Variants in CFAP99 observed in about 807,000 individuals in gnomAD.
CFAP99 encodes cilia and flagella associated protein 99.
A neutral mutation model predicts 82.7 loss-of-function variants in CFAP99; 84 were observed. The observed-to-expected ratio is 1.02, with a 90% confidence interval of 0.85 to 1.22. The LOEUF (loss-of-function observed/expected upper bound fraction) is 1.22. Among genes scored for constraint, CFAP99 ranks in the 50% most tolerant of loss-of-function variants. The probability of loss-of-function intolerance (pLI) is 0.00; values close to 1 mark genes in which losing one functional copy is unlikely to be tolerated. For synonymous variants in CFAP99, 456 were observed against 429.5 expected (o/e 1.06, Z -0.76); for missense variants, 1,059 against 983.5 (o/e 1.08, Z -1.03).
At chr4:2,420,871 A>G (rs1157425199) in intron 1 of CFAP99, among the ~76,000 whole-genome samples, 1 of 152,188 alleles carries the variant, frequency 6.6e-6, no homozygotes, top group Non-Finnish European at 1.5e-5. Flanking sequence ...GCAAAAGAGA[A>G]GATGGATATG....
intron 4 of CFAP99, among the ~76,000 whole-genome samples, chr4:2,442,018 C>T (rs886228218): frequency 9.2e-5 from 14 of 152,300 alleles, no homozygotes; most frequent in East Asian, 3.9e-4. Flanking sequence ...TCAGACCCAC[C>T]GCAAAGCCCC....
chr4:2,458,866 T>C lies in CFAP99; in HGVS notation c.1303+2T>C. 1 of 1,533,560 alleles carries C rather than the reference T, an allele frequency of 6.5e-7. No homozygotes were observed. Among genetic ancestry groups the C allele is most frequent in the Non-Finnish European group, 8.7e-7 (1 of 1,145,740 alleles). The allele number at this position is 1,533,560 out of a possible 1,614,324, so 95.0% of individuals were successfully genotyped here. ...TCGCGAAGGGCCGACAGCAGACAGG[T>C]AGTCAGGAGCCAGATGTCACTGGCC... On this transcript the variant is annotated splice_donor_variant, in intron 12 of 14. Transcript: ENST00000635017. LOFTEE classifies it high-confidence loss of function.
exon 11 of CFAP99, chr4:2,452,163 G>C: frequency 2.6e-6 from 4 of 1,536,210 alleles, no homozygotes; most frequent in Non-Finnish European, 3.5e-6. Flanking sequence ...TCGTGGATGG[G>C]GCTGGGGACT....
intron 6 of CFAP99, among the ~76,000 whole-genome samples, chr4:2,447,586 T>C (rs1335715494): frequency 6.6e-6 from 1 of 151,140 alleles, no homozygotes; most frequent in East Asian, 2.0e-4. Flanking sequence ...TATGGATGGA[T>C]GAATGGATGA....
chr4:2,423,894 AG>A (rs1328667683), intron 1 of CFAP99, among the ~76,000 whole-genome samples: 1 of 118,124 alleles, frequency 8.5e-6, no homozygotes, highest in Non-Finnish European at 1.8e-5. Flanking sequence ...GGGTGGGGGG[AG>A]GGGGACCCAG....
chr4:2,422,312 G>T (rs1733601471), intron 1 of CFAP99, among the ~76,000 whole-genome samples: 1 of 152,172 alleles, frequency 6.6e-6, no homozygotes, highest in African/African-American at 2.4e-5. Flanking sequence ...GTGAACCAGG[G>T]TTCCAGGGGC....
In CFAP99 at chr4:2,462,743, C is replaced by G. The variant is rs985765463; in HGVS notation, c.1962C>G (p.Tyr654Ter). The G allele has an allele frequency of 2.1e-4, 256 of 1,239,012 alleles. 2 individuals carry two copies. The Admixed American group carries it at 2.3e-3, about 11-fold the overall frequency. The allele number at this position is 1,239,012 out of a possible 1,614,324, so 76.8% of individuals were successfully genotyped here. Residue 654 changes from tyrosine (Y) to a stop codon, truncating the protein, a stop_gained, in exon 15 of 15, where the codon TAC (tyrosine) becomes TAG (stop). Coordinates refer to ENST00000635017, the Ensembl canonical transcript of CFAP99. LOFTEE classifies it low-confidence loss of function (END_TRUNC). This position sits in a 1 kb window ranked among gnomAD's most constrained non-coding sequence, Gnocchi z 4.1. Reference sequence around the variant, plus strand: ...GGGTCCGGTCCGCGGCCGGGAGATACGCAGCGGCGGGCGCGGGAGGCGGTG... The same window carrying G: ...GGGTCCGGTCCGCGGCCGGGAGATAGGCAGCGGCGGGCGCGGGAGGCGGTG...
intron 2 of CFAP99, chr4:2,428,545 A>T (rs1296318505): frequency 6.8e-6 from 1 of 146,328 alleles, no homozygotes; most frequent in Non-Finnish European, 1.5e-5. Flanking sequence ...CTCCACCCAC[A>T]GCGCCAGTCT....
chr4:2,449,729 G>A (rs1227788661), exon 7 of CFAP99: 1 of 1,536,106 alleles, frequency 6.5e-7, no homozygotes, highest in Non-Finnish European at 8.7e-7. Flanking sequence ...CAGTCAAGAG[G>A]TACAACCGCC....
intron 2 of CFAP99, among the ~76,000 whole-genome samples, chr4:2,433,423 G>A (rs759095229): frequency 2.0e-5 from 3 of 150,594 alleles, no homozygotes; most frequent in Non-Finnish European, 2.9e-5. Context: ...TCAGTTACAC[G>A]GGGCGGGGGG....
At chr4:2,447,725 AATGG>A (rs1015003278) in intron 6 of CFAP99, among the ~76,000 whole-genome samples, 1 of 141,710 alleles carries the variant, frequency 7.1e-6, no homozygotes, top group East Asian at 2.2e-4. Context: ...TGGGTGAGTG[AATGG>A]ATGATCAGAT....
At chr4:2,453,289 G>T (rs1243241171) in intron 11 of CFAP99, among the ~76,000 whole-genome samples, 1 of 152,148 alleles carries the variant, frequency 6.6e-6, no homozygotes, top group Non-Finnish European at 1.5e-5. Context: ...GTCACACCTT[G>T]CTTTATCTGC....
chr4:2,455,065 G>A (rs545208567), intron 11 of CFAP99, among the ~76,000 whole-genome samples: 4 of 151,966 alleles, frequency 2.6e-5, no homozygotes, highest in East Asian at 1.9e-4. Context: ...AACTGCAGGC[G>A]TGCACCACCT....
intron 2 of CFAP99, chr4:2,426,901 T>A: frequency 3.3e-6 from 1 of 301,414 alleles, no homozygotes; most frequent in Non-Finnish European, 6.4e-6. Flanking sequence ...ACCCCCACTT[T>A]GGGGGGCATC....
At chr4:2,452,379 C>T (rs1734326394) in intron 11 of CFAP99, 33 bp downstream of exon 11, 2 of 1,526,972 alleles carry the variant, frequency 1.3e-6, no homozygotes, top group East Asian at 4.9e-5. Context: ...GGGCATGGGG[C>T]AGCCAGCTGA....
intron 1 of CFAP99, among the ~76,000 whole-genome samples, chr4:2,419,374 C>T (rs1428009821): frequency 1.3e-5 from 2 of 152,098 alleles, no homozygotes; most frequent in Non-Finnish European, 2.9e-5. Flanking sequence ...TGCTATGTGT[C>T]AAGCAGAGAG....
chr4:2,452,662 A>G (rs1421978507), intron 11 of CFAP99, among the ~76,000 whole-genome samples: 1 of 152,208 alleles, frequency 6.6e-6, no homozygotes. Flanking sequence ...GCCTGCGGTC[A>G]GGGACTTGAT....
chr4:2,433,464 T>A (rs1381538891), intron 2 of CFAP99, among the ~76,000 whole-genome samples: 1 of 151,684 alleles, frequency 6.6e-6, no homozygotes, highest in Non-Finnish European at 1.5e-5. Flanking sequence ...GGGTACAGCC[T>A]GGCAACTGCA....
intron 11 of CFAP99, among the ~76,000 whole-genome samples, chr4:2,452,872 G>A (rs1226301786): frequency 6.6e-6 from 1 of 152,150 alleles, no homozygotes; most frequent in East Asian, 1.9e-4. Flanking sequence ...AGATCAGCCT[G>A]AGCAACATAG....
Sources: gnomAD v4.1 joint callset for allele counts (sites outside exome capture counted in the v4.1 genomes callset) on GRCh38, gnomAD v4.1.1 for gene constraint, Gnocchi (gnomAD v3.1) non-coding constraint, MANE v1.5 for transcripts, NCBI Gene and HGNC (gene_info 2026-07-23, HGNC 2026-07-21) for gene names.